Variants in DGKB observed in about 807,000 individuals in gnomAD.
The protein encoded by DGKB is diacylglycerol kinase beta.
DGKB carries 67 observed loss-of-function variants against 114.3 expected under a neutral mutation model. That is an observed-to-expected ratio of 0.59 (90% CI 0.48 to 0.72). DGKB has a LOEUF of 0.72. DGKB is among the 30% of genes least tolerant of loss of function. The pLI, the probability that DGKB is intolerant of heterozygous loss-of-function variation, is 0.00. For synonymous variants in DGKB, 398 were observed against 323.1 expected, an observed-to-expected ratio of 1.23 and a Z score of -2.49; for missense variants, 907 against 975.2, an observed-to-expected ratio of 0.93 and a Z score of 0.93.
intron 23 of DGKB, among the ~76,000 whole-genome samples, chr7:14,266,868 C>G (rs1211999845): frequency 1.3e-5 from 2 of 152,232 alleles, no homozygotes; most frequent in East Asian, 1.9e-4. Context: ...ATGATCATCA[C>G]TATGTTAAAA....
At chr7:14,847,771 A>C (rs1333832572) in intron 1 of DGKB, among the ~76,000 whole-genome samples, 2 of 152,258 alleles carry the variant, frequency 1.3e-5, no homozygotes. Flanking sequence ...GCAATTCAGA[A>C]AGCCAGGTTT....
intron 1 of DGKB, among the ~76,000 whole-genome samples, chr7:14,857,902 G>A (rs756399223): frequency 1.2e-4 from 18 of 151,954 alleles, no homozygotes; most frequent in Middle Eastern, 6.3e-3. Flanking sequence ...AACTATCTCA[G>A]TTAAGAAACA....
At chr7:14,586,504 A>T (rs1344909545) in intron 17 of DGKB, among the ~76,000 whole-genome samples, 5 of 152,104 alleles carry the variant, frequency 3.3e-5, no homozygotes, top group African/African-American at 9.7e-5. Flanking sequence ...TCTAGCTACA[A>T]TTATTGATAA....
chr7:14,785,940 C>A (rs908509476), intron 2 of DGKB, among the ~76,000 whole-genome samples: 1 of 149,988 alleles, frequency 6.7e-6, no homozygotes, highest in South Asian at 2.1e-4. Flanking sequence ...TAAAGAAAGT[C>A]ATCTTTCAAG....
intron 20 of DGKB, among the ~76,000 whole-genome samples, chr7:14,573,467 C>CTG (rs4027158): frequency 0.017 from 2,505 of 145,556 alleles, 32 homozygotes; most frequent in Admixed American, 0.038. Flanking sequence ...TAATCTATCT[C>CTG]TGTGTGTGTG....
intron 9 of DGKB, 122 bp from the exon 10 acceptor site, chr7:14,685,484 C>T (rs1201378414): frequency 8.5e-6 from 6 of 708,346 alleles, no homozygotes; most frequent in Non-Finnish European, 1.4e-5. Context: ...TCATCCCTGA[C>T]TTTCTCCAAG....
chr7:14,424,740 A>C (rs1007400317), intron 21 of DGKB, among the ~76,000 whole-genome samples: 4 of 152,066 alleles, frequency 2.6e-5, no homozygotes, highest in African/African-American at 9.7e-5. Flanking sequence ...AACTCTCCCA[A>C]TTTAACAAAT....
chr7:14,240,134 A>AAT (rs1251730989), intron 23 of DGKB, among the ~76,000 whole-genome samples: 2 of 151,966 alleles, frequency 1.3e-5, no homozygotes, highest in African/African-American at 4.8e-5. Flanking sequence ...ACATATTACC[A>AAT]ATATATATAT....
chr7:14,826,532 G>C (rs1329871029), intron 2 of DGKB, among the ~76,000 whole-genome samples: 10 of 151,990 alleles, frequency 6.6e-5, no homozygotes, highest in Admixed American at 6.6e-4. Flanking sequence ...CTAGTTTGTA[G>C]TTTGTTTTTA....
At chr7:14,967,703 AT>A (rs1003943904) in intron 1 of DGKB, among the ~76,000 whole-genome samples, 25 of 146,328 alleles carry the variant, frequency 1.7e-4, no homozygotes, top group Admixed American at 3.4e-4. Flanking sequence ...ACAAAACTTT[AT>A]TTTTTTTGGC....
rs547202726 is a variant in DGKB, at chr7:14,781,964, G to T, written c.71-24233C>A. On this transcript the variant is annotated intron_variant, in intron 2 of 25. Coordinates refer to ENST00000402815, the MANE Select transcript of DGKB (RefSeq NM_001350709.2). Reference sequence around the variant, plus strand: ...AGAGTTTTGCCATCTTTAATCCCTAGTATTTAGCACAATATCTGGCCAAAA... The same window carrying T: ...AGAGTTTTGCCATCTTTAATCCCTATTATTTAGCACAATATCTGGCCAAAA... 9.4e-4 allele frequency among the ~76,000 whole-genome samples: 143 copies of T among 151,830 alleles called. 2 individuals are homozygous for T. Among genetic ancestry groups the T allele is most frequent in the African/African-American group, 3.3e-3 (136 of 41,352 alleles).
At chr7:14,761,939 A>AG (rs1191381617) in intron 2 of DGKB, among the ~76,000 whole-genome samples, 2 of 152,124 alleles carry the variant, frequency 1.3e-5, no homozygotes, top group Non-Finnish European at 2.9e-5. Context: ...AAAGCAAAGG[A>AG]GGGGTATGAC....
chr7:14,609,650 C>G (rs1037959842), intron 16 of DGKB, among the ~76,000 whole-genome samples: 2 of 151,818 alleles, frequency 1.3e-5, no homozygotes, highest in African/African-American at 4.8e-5. Context: ...TATCCAGAAT[C>G]TATAAGAACT....
chr7:14,673,590 T>C (rs1819360863), intron 12 of DGKB, among the ~76,000 whole-genome samples: 1 of 152,070 alleles, frequency 6.6e-6, no homozygotes, highest in African/African-American at 2.4e-5. Context: ...AAAATTTATC[T>C]GTATATTGTA....
chr7:14,391,951 T>C (rs917950988), intron 21 of DGKB, among the ~76,000 whole-genome samples: 4 of 152,204 alleles, frequency 2.6e-5, no homozygotes, highest in African/African-American at 9.6e-5. Flanking sequence ...ATTTTTCATG[T>C]TTGATTATAC....
At chr7:14,530,216 G>T (rs1009514657) in intron 20 of DGKB, among the ~76,000 whole-genome samples, 1 of 151,402 alleles carries the variant, frequency 6.6e-6, no homozygotes, top group African/African-American at 2.4e-5. Context: ...AAAATTTACA[G>T]TCCTAATTTT....
At chr7:14,238,590 A>T (rs1279786564) in intron 23 of DGKB, among the ~76,000 whole-genome samples, 1 of 78,758 alleles carries the variant, frequency 1.3e-5, no homozygotes, top group African/African-American at 9.5e-5. Flanking sequence ...AATAAAAATA[A>T]AACAGCAATG....
At chr7:14,176,354 A>G (rs1781738123) in intron 25 of DGKB, 1 of 984,906 alleles carries the variant, frequency 1.0e-6, no homozygotes, top group Non-Finnish European at 1.2e-6. Flanking sequence ...TGGAAAACAC[A>G]ATTAATTATG....
intron 23 of DGKB, among the ~76,000 whole-genome samples, chr7:14,322,903 A>T (rs181861772): frequency 6.6e-6 from 1 of 152,190 alleles, no homozygotes. Context: ...AAAAAGACTC[A>T]TCATTCAAAG....
Sources: allele counts gnomAD v4.1 joint callset (sites outside exome capture counted in the v4.1 genomes callset), GRCh38; gene constraint gnomAD v4.1.1; transcripts MANE v1.5; gene names NCBI Gene and HGNC (gene_info 2026-07-23, HGNC 2026-07-21).